Variants in CPM observed in about 807,000 individuals in gnomAD.
CPM encodes the protein carboxypeptidase M.
Under a neutral mutation model 46.4 loss-of-function variants are expected in CPM, and 35 were observed. The ratio of observed to expected loss-of-function variants is 0.75; its 90% CI spans 0.58 to 1.00. The LOEUF is 1.00. Ranked by LOEUF, CPM falls within the 50% of genes least tolerant of loss-of-function variation. The pLI is 0.00. For missense variants in CPM, 422 were observed against 530.4 expected (o/e 0.80, Z 2.01); for synonymous variants, 195 against 195.3 (o/e 1.00, Z 0.01).
At chr12:68,947,248 A>G (rs750633893) in intron 1 of CPM, among the ~76,000 whole-genome samples, 43 of 152,220 alleles carry the variant, frequency 2.8e-4, no homozygotes, top group Non-Finnish European at 5.0e-4. Flanking sequence ...AGGAAATAGT[A>G]TGTTTTATTT....
intron 1 of CPM, among the ~76,000 whole-genome samples, chr12:68,938,398 TA>T (rs200022100): frequency 0.05 from 7,262 of 144,664 alleles, 384 homozygotes; most frequent in African/African-American, 0.14. Flanking sequence ...GACTCTGTCT[TA>T]AAAAAAAAAA....
intron 1 of CPM, among the ~76,000 whole-genome samples, chr12:68,962,187 G>C (rs553991001): frequency 3.2e-5 from 4 of 125,888 alleles, no homozygotes; most frequent in African/African-American, 6.6e-5. Flanking sequence ...GCGACAGAGC[G>C]AGACTCCATC....
chr12:68,933,558 C>T (rs1251248697), upstream of CPM, among the ~76,000 whole-genome samples: 1 of 152,064 alleles, frequency 6.6e-6, no homozygotes, highest in East Asian at 1.9e-4. Flanking sequence ...TAGGGCTCGG[C>T]GGGTTTCCTG....
chr12:68,958,814 C>T (rs538627304), intron 1 of CPM, among the ~76,000 whole-genome samples: 8 of 152,178 alleles, frequency 5.3e-5, no homozygotes, highest in Non-Finnish European at 1.0e-4. Flanking sequence ...TATGAACTAT[C>T]CCCGCCTGCC....
chr12:68,922,137 G>GA (rs1888064253), intron 2 of CPM, among the ~76,000 whole-genome samples: 1 of 152,140 alleles, frequency 6.6e-6, no homozygotes, highest in Non-Finnish European at 1.5e-5. Flanking sequence ...CCAGGGAATA[G>GA]AAAAAGGCTT....
intron 3 of CPM, among the ~76,000 whole-genome samples, chr12:68,874,470 G>C (rs1327840405): frequency 6.6e-6 from 1 of 152,026 alleles, no homozygotes; most frequent in African/African-American, 2.4e-5. Context: ...ACAAAAATTA[G>C]CTGGGCATGG....
intron 2 of CPM, among the ~76,000 whole-genome samples, chr12:68,914,275 CG>C (rs1887718624): frequency 6.6e-6 from 1 of 151,098 alleles, no homozygotes; most frequent in African/African-American, 2.4e-5. Flanking sequence ...GGTTCCAGTA[CG>C]GGTTTTCCAA....
Sources: gnomAD v4.1 joint callset for allele counts (sites outside exome capture counted in the v4.1 genomes callset) on GRCh38, gnomAD v4.1.1 for gene constraint, MANE v1.5 for transcripts, NCBI Gene and HGNC (gene_info 2026-07-23, HGNC 2026-07-21) for gene names.